Variants in SLC24A2 observed in about 807,000 individuals in gnomAD.
SLC24A2 encodes the protein solute carrier family 24 member 2, also known as sodium/potassium/calcium exchanger 2.
SLC24A2 carries 36 observed loss-of-function variants against 62.0 expected under a neutral mutation model. The ratio of observed to expected loss-of-function variants is 0.58; its 90% confidence interval spans 0.44 to 0.77. The LOEUF (loss-of-function observed/expected upper bound fraction) is 0.77, where lower values mean the gene tolerates loss of function less well. Ranked by LOEUF, SLC24A2 falls within the 30% of genes least tolerant of loss-of-function variation. The pLI is 0.00. For synonymous variants in SLC24A2, 358 were observed against 294.0 expected, an observed-to-expected ratio of 1.22 and a Z score of -2.23; for missense variants, 846 against 817.9, an observed-to-expected ratio of 1.03 and a Z score of -0.42.
At chr9:19,887,147 G>A in the SLC24A2 span, among the ~76,000 whole-genome samples, 1 of 152,116 alleles carries the variant, frequency 6.6e-6, no homozygotes, top group Non-Finnish European at 1.5e-5. Context: ...AATCACTATG[G>A]CACACGTTTA....
the SLC24A2 span, among the ~76,000 whole-genome samples, chr9:20,132,280 T>C: frequency 6.6e-6 from 1 of 151,978 alleles, no homozygotes; most frequent in Non-Finnish European, 1.5e-5. Context: ...GAACCGAGAA[T>C]TAGAGAAAAG....
rs565079274 is a variant in SLC24A2 at position 19,507,618 on chromosome 9, G to A, written c.*8535C>T. 3 of 152,328 alleles carry A rather than the reference G, an allele frequency of 2.0e-5. No individual in the cohort carries two copies. Among genetic ancestry groups the A allele is most frequent in the East Asian group, 3.9e-4 (2 of 5,186 alleles). 9.4% of individuals were successfully genotyped at this position (152,328 alleles called of 1,614,324 possible). A position where few individuals can be genotyped will look rare whatever the true frequency, so the allele number is the denominator to read the frequency against. On this transcript the variant is annotated 3_prime_UTR_variant, in exon 11 of 11. Transcript: ENST00000341998. ...TCAGAATGAAGTCCATGTGACAGAA[G>A]TACATACTTCAGACAGCCTATGTAC...
intron 2 of SLC24A2, among the ~76,000 whole-genome samples, chr9:19,696,318 T>A (rs1435528521): frequency 6.6e-6 from 1 of 152,190 alleles, no homozygotes; most frequent in Non-Finnish European, 1.5e-5. Context: ...CTTTAAGGAT[T>A]CATACTCGTC....
At chr9:20,021,183 T>C in the SLC24A2 span, among the ~76,000 whole-genome samples, 7 of 152,252 alleles carry the variant, frequency 4.6e-5, no homozygotes, top group African/African-American at 1.7e-4. Context: ...AATTTTTATT[T>C]TTTAAAGTTA....
the SLC24A2 span, among the ~76,000 whole-genome samples, chr9:20,214,720 A>G: frequency 6.6e-6 from 1 of 152,194 alleles, no homozygotes; most frequent in Non-Finnish European, 1.5e-5. Flanking sequence ...TGCTGTTATC[A>G]TTTGTCTTCC....
chr9:20,215,475 T>C, the SLC24A2 span, among the ~76,000 whole-genome samples: 2 of 151,976 alleles, frequency 1.3e-5, no homozygotes, highest in African/African-American at 4.8e-5. Context: ...TAATTTTTAA[T>C]AGAAAAAAAA....
intron 7 of SLC24A2, among the ~76,000 whole-genome samples, chr9:19,556,934 C>G (rs1047548342): frequency 6.6e-6 from 1 of 152,158 alleles, no homozygotes; most frequent in African/African-American, 2.4e-5. Flanking sequence ...TAGATCACAA[C>G]AGACAAGCTG....
At chr9:20,223,841 C>T in the SLC24A2 span, among the ~76,000 whole-genome samples, 1 of 152,044 alleles carries the variant, frequency 6.6e-6, no homozygotes, top group South Asian at 2.1e-4. Context: ...TAAAGAGCTA[C>T]CTGAGACAGT....
At chr9:19,570,366 A>C (rs1289497190) in intron 7 of SLC24A2, among the ~76,000 whole-genome samples, 1 of 152,166 alleles carries the variant, frequency 6.6e-6, no homozygotes, top group Non-Finnish European at 1.5e-5. Flanking sequence ...ATCAACACCC[A>C]GCTTGAATGT....
At chr9:19,828,201 A>G in the SLC24A2 span, among the ~76,000 whole-genome samples, 1 of 152,212 alleles carries the variant, frequency 6.6e-6, no homozygotes, top group African/African-American at 2.4e-5. Context: ...AGTATTGAAT[A>G]AGATCTAGTA....
chr9:20,098,472 T>G, the SLC24A2 span, among the ~76,000 whole-genome samples: 1 of 152,224 alleles, frequency 6.6e-6, no homozygotes, highest in Non-Finnish European at 1.5e-5. Context: ...CCATTTGATC[T>G]CCTTTCATTA....
the SLC24A2 span, among the ~76,000 whole-genome samples, chr9:19,811,198 T>C: frequency 6.6e-6 from 1 of 152,118 alleles, no homozygotes; most frequent in African/African-American, 2.4e-5. Context: ...TGCCATACAA[T>C]GAGAAATTGA....
the SLC24A2 span, among the ~76,000 whole-genome samples, chr9:20,027,616 A>G: frequency 6.6e-6 from 1 of 152,192 alleles, no homozygotes; most frequent in Non-Finnish European, 1.5e-5. Flanking sequence ...ATAGAAGTAG[A>G]GAGCAGAATG....
chr9:20,145,948 A>AG, the SLC24A2 span, among the ~76,000 whole-genome samples: 125,037 of 151,744 alleles, frequency 0.82, 51,868 homozygotes, highest in Non-Finnish European at 0.87. Flanking sequence ...TATCTTGTCA[A>AG]GTCAGTACAT....
the SLC24A2 span, among the ~76,000 whole-genome samples, chr9:19,939,059 GCAGATCACA>G: frequency 6.6e-6 from 1 of 152,194 alleles, no homozygotes; most frequent in Non-Finnish European, 1.5e-5. Context: ...AACTATTATG[GCAGATCACA>G]CAGATAAATA....
chr9:20,271,264 C>G, the SLC24A2 span, among the ~76,000 whole-genome samples: 304 of 152,280 alleles, frequency 2.0e-3, no homozygotes, highest in African/African-American at 6.8e-3. Context: ...AAACTGTCCC[C>G]CATATAATTT....
chr9:19,962,342 T>G, the SLC24A2 span, among the ~76,000 whole-genome samples: 1 of 152,240 alleles, frequency 6.6e-6, no homozygotes, highest in Non-Finnish European at 1.5e-5. Flanking sequence ...GACTTGGCGA[T>G]GCGGGCTCTT....
chr9:19,543,949 C>G (rs73424080), intron 8 of SLC24A2, among the ~76,000 whole-genome samples: 8,528 of 152,174 alleles, frequency 0.056, 777 homozygotes, highest in African/African-American at 0.19. Context: ...ATTAGGTCTG[C>G]TTGTTCCAGC....
At chr9:19,904,956 G>A in the SLC24A2 span, among the ~76,000 whole-genome samples, 1 of 152,184 alleles carries the variant, frequency 6.6e-6, no homozygotes, top group African/African-American at 2.4e-5. Context: ...CTTAGAGGAA[G>A]AGAGTGGAGG....
Sources: gnomAD v4.1 joint callset for allele counts (sites outside exome capture counted in the v4.1 genomes callset) on GRCh38, gnomAD v4.1.1 for gene constraint, MANE v1.5 for transcripts, NCBI Gene and HGNC (gene_info 2026-07-23, HGNC 2026-07-21) for gene names.